PEBP4: variants seen among roughly 807,000 people sequenced by gnomAD.
The protein encoded by PEBP4 is phosphatidylethanolamine binding protein 4.
In PEBP4, 22 loss-of-function variants were observed where a neutral mutation model predicts 23.9. The observed-to-expected ratio is 0.92, with a 90% CI of 0.66 to 1.31. The LOEUF is 1.31. Among genes scored for constraint, PEBP4 ranks in the 40% most tolerant of loss-of-function variants. The pLI is 0.00. For missense variants in PEBP4, 324 were observed against 281.7 expected, an observed-to-expected ratio of 1.15 and a Z score of -1.07; for synonymous variants, 112 against 99.3, an observed-to-expected ratio of 1.13 and a Z score of -0.76.
At chr8:22,781,012 G>A (rs1400557358) in intron 4 of PEBP4, among the ~76,000 whole-genome samples, 1 of 152,224 alleles carries the variant, frequency 6.6e-6, no homozygotes, top group Non-Finnish European at 1.5e-5. Context: ...TGTGAAGACA[G>A]CGCAGTTAGC....
rs147330838 is a variant in PEBP4, at chr8:22,775,272, C to T, written c.357+42365G>A. On this transcript the variant is annotated intron_variant, in intron 4 of 6. Transcript: ENST00000256404. The surrounding 1 kb of genome is among the most constrained non-coding windows in gnomAD (Gnocchi z 4.8). ...GCAGCATCTTTCAGGGACCCGGAAG[C>T]CCCAAGCATCTGGCAAGGAGGGTTC... is the stretch of plus-strand genomic sequence containing the variant. 2.1e-4 allele frequency among the ~76,000 whole-genome samples: 32 copies of T among 152,288 alleles called. No homozygotes were observed. The Middle Eastern group carries it at 0.01, about 49-fold the overall frequency.
chr8:22,805,413 G>A (rs553215373), intron 4 of PEBP4, among the ~76,000 whole-genome samples: 75 of 152,266 alleles, frequency 4.9e-4, no homozygotes, highest in African/African-American at 1.0e-3. Flanking sequence ...CACAACCTCC[G>A]TCTCCCGGGT....
At chr8:22,887,367 T>G (rs554317180) in intron 3 of PEBP4, 1 of 151,998 alleles carries the variant, frequency 6.6e-6, no homozygotes, top group East Asian at 2.0e-4. Context: ...CAGGCTGGTC[T>G]CAAACTCCTG....
chr8:22,823,347 T>C (rs1806898258), intron 3 of PEBP4, among the ~76,000 whole-genome samples: 1 of 151,936 alleles, frequency 6.6e-6, no homozygotes, highest in Admixed American at 6.5e-5. Context: ...CATATTTAAA[T>C]ATGAAAATGA....
chr8:22,903,687 C>G (rs1213822134), intron 3 of PEBP4, among the ~76,000 whole-genome samples: 1 of 151,308 alleles, frequency 6.6e-6, no homozygotes, highest in Admixed American at 6.6e-5. Flanking sequence ...CTTGTAGCTG[C>G]CTCGATCTAT....
intron 4 of PEBP4, among the ~76,000 whole-genome samples, chr8:22,792,907 G>C (rs1488373621): frequency 6.6e-6 from 1 of 152,182 alleles, no homozygotes; most frequent in Non-Finnish European, 1.5e-5. Flanking sequence ...AGACTCCTTG[G>C]AGTGGGACCC....
chr8:22,790,180 G>A (rs1235335521), intron 4 of PEBP4, among the ~76,000 whole-genome samples: 2 of 152,202 alleles, frequency 1.3e-5, no homozygotes, highest in East Asian at 1.9e-4. Flanking sequence ...ACCATTGCAT[G>A]GGCTGTTTGA....
chr8:22,892,676 T>C (rs1808517171), intron 3 of PEBP4, among the ~76,000 whole-genome samples: 1 of 148,806 alleles, frequency 6.7e-6, no homozygotes, highest in Admixed American at 6.6e-5. Flanking sequence ...GTAAAGATCT[T>C]CTGGTTCCAG....
chr8:22,753,089 C>A (rs1805302991), intron 4 of PEBP4, among the ~76,000 whole-genome samples: 1 of 152,186 alleles, frequency 6.6e-6, no homozygotes, highest in Non-Finnish European at 1.5e-5. Context: ...ATCCTGGTAG[C>A]TTAGTTCAGC....
rs571280020 is a variant in PEBP4 at position 22,865,181 on chromosome 8, C to T, written c.259-47446G>A. On this transcript the variant is annotated intron_variant, in intron 3 of 6. Transcript: ENST00000256404. The surrounding 1 kb of genome is among the most constrained non-coding windows in gnomAD (Gnocchi z 6.9). ...GCTAGAGGCCCACGTTCTCCTGTGA[C>T]TCAGGTCTGACTCAATGCCATTTCT... 6.6e-6 allele frequency among the ~76,000 whole-genome samples: 1 copy of T among 151,528 alleles called. No homozygotes were observed. The highest frequency in any genetic ancestry group is 2.4e-5 in the African/African-American group (1 of 41,280).
At chr8:22,818,387 G>A (rs57825144) in intron 3 of PEBP4, among the ~76,000 whole-genome samples, 3,307 of 152,292 alleles carry the variant, frequency 0.022, 121 homozygotes, top group African/African-American at 0.075. Flanking sequence ...GGTGGGATGA[G>A]AGGTGGGAAG....
At chr8:22,776,307 A>G (rs2128754599) in intron 4 of PEBP4, among the ~76,000 whole-genome samples, 1 of 152,194 alleles carries the variant, frequency 6.6e-6, no homozygotes, top group East Asian at 1.9e-4. Flanking sequence ...CATAGATGAG[A>G]TTTGGCAGAA....
chr8:22,918,929 G>GCACACGTGCACACATGTGCA (rs1554497496), intron 3 of PEBP4, among the ~76,000 whole-genome samples: 1 of 151,026 alleles, frequency 6.6e-6, no homozygotes, highest in Non-Finnish European at 1.5e-5. Flanking sequence ...GTGTGTGTGT[G>GCACACGTGCACACATGTGCA]CACATGTGCA....
intron 3 of PEBP4, among the ~76,000 whole-genome samples, chr8:22,894,582 TA>T (rs1303946526): frequency 1.3e-5 from 2 of 152,006 alleles, no homozygotes; most frequent in Non-Finnish European, 2.9e-5. Flanking sequence ...ACCCTGTCTC[TA>T]AAAATAAAAT....
At chr8:22,884,670 G>A (rs971720846) in intron 3 of PEBP4, 1 of 152,112 alleles carries the variant, frequency 6.6e-6, no homozygotes, top group Non-Finnish European at 1.5e-5. Context: ...CCCAGCCCGG[G>A]GTGCTTTCTG....
intron 3 of PEBP4, among the ~76,000 whole-genome samples, chr8:22,852,484 T>C (rs1366739644): frequency 2.0e-5 from 3 of 152,094 alleles, no homozygotes. Flanking sequence ...CTGGGTCTCC[T>C]TTCCCTCCGA....
upstream of PEBP4, among the ~76,000 whole-genome samples, chr8:22,932,578 A>G (rs974025683): frequency 6.6e-6 from 1 of 152,212 alleles, no homozygotes; most frequent in African/African-American, 2.4e-5. Context: ...AACTAACTTT[A>G]TAGAAGCTCT....
At chr8:22,860,970 C>A (rs1375066153) in intron 3 of PEBP4, among the ~76,000 whole-genome samples, 1 of 152,232 alleles carries the variant, frequency 6.6e-6, no homozygotes, top group East Asian at 1.9e-4. Flanking sequence ...CACATCTGAT[C>A]TCAGTATCCC....
chr8:22,801,247 G>C (rs1018515370), intron 4 of PEBP4, among the ~76,000 whole-genome samples: 7 of 152,166 alleles, frequency 4.6e-5, no homozygotes, highest in Non-Finnish European at 1.0e-4. Context: ...AGGTTGACAG[G>C]CATGATCTCA....
Sources: allele counts gnomAD v4.1 joint callset (sites outside exome capture counted in the v4.1 genomes callset), GRCh38; gene constraint gnomAD v4.1.1; non-coding constraint Gnocchi (gnomAD v3.1); transcripts MANE v1.5; gene names NCBI Gene and HGNC (gene_info 2026-07-23, HGNC 2026-07-21).